TET2: variants seen among roughly 807,000 people sequenced by gnomAD.
TET2 encodes the protein methylcytosine dioxygenase TET2.
A neutral mutation model predicts 142.9 loss-of-function variants in TET2; 299 were observed. The ratio of observed to expected loss-of-function variants is 2.09; its 90% CI spans 1.90 to 2.30. The LOEUF is 2.30. Ranked by LOEUF, TET2 falls within the 30% of genes most tolerant of loss-of-function variation. The probability of loss-of-function intolerance (pLI) is 0.00; values close to 1 mark genes in which losing one functional copy is unlikely to be tolerated. For missense variants in TET2, 2,418 were observed against 2,378.0 expected (o/e 1.02, Z -0.35); for synonymous variants, 819 against 849.0 (o/e 0.96, Z 0.61).
chr4:105,189,420 T>C (rs765861599), intron 1 of TET2, among the ~76,000 whole-genome samples: 1 of 152,174 alleles, frequency 6.6e-6, no homozygotes, highest in Admixed American at 6.5e-5. Context: ...TCAAAACTCT[T>C]TAGATTCTGT....
chr4:105,153,660 C>T (rs1216733638), intron 1 of TET2, among the ~76,000 whole-genome samples: 2 of 152,160 alleles, frequency 1.3e-5, no homozygotes, highest in Non-Finnish European at 2.9e-5. Context: ...TCCTTAAGTT[C>T]ATACAGCCTA....
chr4:105,266,718 A>T (rs1259346759), intron 8 of TET2, among the ~76,000 whole-genome samples: 14 of 152,068 alleles, frequency 9.2e-5, no homozygotes. Context: ...AGTATAAAGA[A>T]AAAACTGAAA....
intron 8 of TET2, among the ~76,000 whole-genome samples, chr4:105,266,880 C>A (rs1730705006): frequency 6.6e-6 from 1 of 151,926 alleles, no homozygotes; most frequent in African/African-American, 2.4e-5. Context: ...ACCCACAGAT[C>A]TCAGCAGCTC....
Position 105,237,015 on chromosome 4 carries a change from A to C in TET2, c.3073A>C (p.Ile1025Leu), listed in dbSNP as rs368840420. The change falls in exon 3 of 11, where the codon ATT (isoleucine) becomes CTT (leucine). Residue 1025 changes from isoleucine (I) to leucine (L), a missense_variant. Physicochemically the swap from Ile to Leu is conservative, Grantham distance 5. Coordinates refer to ENST00000380013, the MANE Select transcript of TET2 (RefSeq NM_001127208.3). ...TGATAATGTGCAGCAAAAGAGCATCATTGAGACCATGGAGCAGCATCTGAA... is the reference window on the plus strand; with the variant it reads ...TGATAATGTGCAGCAAAAGAGCATCCTTGAGACCATGGAGCAGCATCTGAA... ...SCDNVQQKSIIETMEQHLKQF... is the reference protein window; with the variant it reads ...SCDNVQQKSILETMEQHLKQF... The C allele has an allele frequency of 3.4e-5, 55 of 1,614,068 alleles. 1 individual carries two copies. Among genetic ancestry groups the C allele is most frequent in the Admixed American group, 5.0e-5 (3 of 59,998 alleles).
intron 2 of TET2, among the ~76,000 whole-genome samples, chr4:105,216,492 T>A (rs1727502528): frequency 6.6e-6 from 1 of 152,076 alleles, no homozygotes; most frequent in African/African-American, 2.4e-5. Context: ...TCAGATTTTT[T>A]ATACTCCTAA....
At chr4:105,204,248 CACACACACACACACACACACAT>C (rs1257886128) in intron 2 of TET2, among the ~76,000 whole-genome samples, 3 of 143,750 alleles carry the variant, frequency 2.1e-5, no homozygotes, top group African/African-American at 8.4e-5. Context: ...CACACACACA[CACACACACACACACACACACAT>C]ACATACATAC....
intron 6 of TET2, among the ~76,000 whole-genome samples, chr4:105,258,625 T>A (rs1279162213): frequency 6.6e-6 from 1 of 152,184 alleles, no homozygotes; most frequent in Non-Finnish European, 1.5e-5. Flanking sequence ...TCATACTGAT[T>A]TTTCCTATTC....
intron 1 of TET2, among the ~76,000 whole-genome samples, chr4:105,161,858 G>A (rs1219336934): frequency 1.3e-5 from 2 of 152,170 alleles, no homozygotes; most frequent in Non-Finnish European, 2.9e-5. Flanking sequence ...GATTGAATCT[G>A]ATGCATACCA....
At chr4:105,194,764 A>G (rs1239361238) in intron 2 of TET2, among the ~76,000 whole-genome samples, 2 of 152,164 alleles carry the variant, frequency 1.3e-5, no homozygotes, top group Non-Finnish European at 2.9e-5. Context: ...TATTCTAATA[A>G]AATATAATTA....
chr4:105,223,424 C>G (rs191714489), intron 2 of TET2, among the ~76,000 whole-genome samples: 1 of 151,904 alleles, frequency 6.6e-6, no homozygotes, highest in Admixed American at 6.6e-5. Flanking sequence ...AAGAAATGCC[C>G]TATAAAAAAC....
intron 6 of TET2, among the ~76,000 whole-genome samples, chr4:105,249,488 G>GTT (rs777070537): frequency 2.3e-4 from 35 of 152,160 alleles, no homozygotes; most frequent in Non-Finnish European, 4.9e-4. Context: ...TAGTAATATG[G>GTT]TAACTTTATG....
intron 2 of TET2, among the ~76,000 whole-genome samples, chr4:105,228,133 A>G (rs1184577217): frequency 2.0e-5 from 3 of 152,158 alleles, no homozygotes; most frequent in Non-Finnish European, 4.4e-5. Context: ...CTGGATCATA[A>G]TATTCCAGGG....
At chr4:105,176,739 G>A (rs973619378) in intron 1 of TET2, among the ~76,000 whole-genome samples, 2 of 152,086 alleles carry the variant, frequency 1.3e-5, no homozygotes, top group African/African-American at 2.4e-5. Flanking sequence ...AACACAGCAC[G>A]ATATTTTATG....
chr4:105,203,038 CTT>C (rs1238621721), intron 2 of TET2, among the ~76,000 whole-genome samples: 1 of 152,180 alleles, frequency 6.6e-6, no homozygotes, highest in East Asian at 1.9e-4. Context: ...GGATTTGTCT[CTT>C]ATTCTTATTT....
intron 3 of TET2, chr4:105,240,414 C>T (rs944158823): frequency 7.7e-5 from 83 of 1,071,512 alleles, no homozygotes; most frequent in African/African-American, 2.3e-4. Flanking sequence ...TAGATATATA[C>T]GTGGATAGAG....
At chr4:105,252,954 T>C (rs1729943071) in intron 6 of TET2, among the ~76,000 whole-genome samples, 2 of 152,240 alleles carry the variant, frequency 1.3e-5, no homozygotes, top group Admixed American at 6.5e-5. Flanking sequence ...AATTAAGTGG[T>C]CTGTTTCTGG....
chr4:105,184,974 G>C (rs10010281), intron 1 of TET2, among the ~76,000 whole-genome samples: 29,926 of 152,140 alleles, frequency 0.2, 3,667 homozygotes, highest in East Asian at 0.48. Context: ...AAAGGGAAGG[G>C]AAGGACTAAA....
At chr4:105,197,409 T>A (rs1388284741) in intron 2 of TET2, among the ~76,000 whole-genome samples, 2 of 152,226 alleles carry the variant, frequency 1.3e-5, no homozygotes, top group African/African-American at 4.8e-5. Context: ...TCATTGATTA[T>A]AGATTTTCTT....
At position 105,173,447 on chromosome 4, in the gene TET2, C is replaced by T. The variant is rs540698334; in HGVS notation, c.-192-16913C>T. Reference sequence around the variant, plus strand: ...ACTTGGGAGGCTGAGGCAGGAGAATCGATTGAACCCAGGAGGTGGAGGTTG... The same window carrying T: ...ACTTGGGAGGCTGAGGCAGGAGAATTGATTGAACCCAGGAGGTGGAGGTTG... On this transcript the variant is annotated intron_variant, in intron 1 of 10. Coordinates refer to ENST00000380013, the MANE Select transcript of TET2 (RefSeq NM_001127208.3). Among the ~76,000 whole-genome samples the T allele has an allele frequency of 2.1e-4, 32 of 151,648 alleles. 1 individual carries two copies. The South Asian group carries it at 4.8e-3, about 23-fold the overall frequency.
Sources: allele counts gnomAD v4.1 joint callset (sites outside exome capture counted in the v4.1 genomes callset), GRCh38; gene constraint gnomAD v4.1.1; transcripts MANE v1.5; gene names NCBI Gene and HGNC (gene_info 2026-07-23, HGNC 2026-07-21).